RTN4: variants seen among roughly 807,000 people sequenced by gnomAD.
RTN4 encodes reticulon 4.
A neutral mutation model predicts 90.4 loss-of-function variants in RTN4; 32 were observed. The ratio of observed to expected loss-of-function variants is 0.35; its 90% CI spans 0.27 to 0.48. The LOEUF is 0.48. Ranked by LOEUF, RTN4 falls within the 20% of genes least tolerant of loss-of-function variation. The pLI, the probability that RTN4 is intolerant of heterozygous loss-of-function variation, is 0.99. For synonymous variants in RTN4, 629 were observed against 552.5 expected (o/e 1.14, Z -1.94); for missense variants, 1,706 against 1,430.2 (o/e 1.19, Z -3.11).
At chr2:55,010,020 C>G (rs1160558306) in intron 3 of RTN4, 6 of 1,546,806 alleles carry the variant, frequency 3.9e-6, no homozygotes, top group Middle Eastern at 1.7e-4. Context: ...AATTCCAAAG[C>G]TTATTCATAG....
intron 5 of RTN4, among the ~76,000 whole-genome samples, chr2:54,980,846 CAT>C (rs897326972): frequency 5.3e-5 from 8 of 152,184 alleles, no homozygotes; most frequent in African/African-American, 1.7e-4. Context: ...ACTTTTCACA[CAT>C]GTTCTACCCT....
Position 55,050,237 on chromosome 2 carries a change from C to T in RTN4, c.64G>A (p.Ala22Thr), listed in dbSNP as rs1359375017. The T allele has an allele frequency of 2.6e-6, 4 of 1,547,082 alleles. No homozygotes were observed. The highest frequency in any genetic ancestry group is 1.7e-6 in the Non-Finnish European group (2 of 1,148,184). The change falls in exon 1 of 9, where the codon GCG becomes ACG. Residue 22 changes from alanine (A) to threonine (T), a missense_variant. Ala to Thr is a moderately conservative substitution (Grantham distance 58). Coordinates refer to ENST00000337526, the MANE Select transcript of RTN4 (RefSeq NM_020532.5). This position sits in a 1 kb window ranked among gnomAD's most constrained non-coding sequence, Gnocchi z 4.6. ...SSDSPPRPQP[A>T]FKYQFVREPE... Reference sequence around the variant, plus strand: ...TCCCTCACGAACTGGTACTTGAACGCGGGCTGCGGCCGGGGTGGGCTGTCC... The same window carrying T: ...TCCCTCACGAACTGGTACTTGAACGTGGGCTGCGGCCGGGGTGGGCTGTCC...
At position 55,026,730 on chromosome 2, in the gene RTN4, G is replaced by T. The variant is rs569037947; in HGVS notation, c.1369C>A (p.Arg457Ser). Reference sequence around the variant, plus strand: ...GCACATGTGATATATGCTCCTGAACGATCCTTTATACCTTCTGGCGTACTG... The same window carrying T: ...GCACATGTGATATATGCTCCTGAACTATCCTTTATACCTTCTGGCGTACTG... ...FPSTPEGIKD[R>S]SGAYITCAPF... The change falls in exon 3 of 9, where the codon CGT becomes AGT. Residue 457 changes from arginine to serine, a missense_variant. Physicochemically the swap from Arg to Ser is moderately radical, Grantham distance 110. Transcript: ENST00000337526. 1.9e-6 allele frequency: 3 copies of T among 1,613,654 alleles called. No individual in the cohort carries two copies. The highest frequency in any genetic ancestry group is 2.5e-6 in the Non-Finnish European group (3 of 1,179,844).
chr2:55,085,003 C>T (rs1173760742), intron 1 of RTN4, among the ~76,000 whole-genome samples: 1 of 152,186 alleles, frequency 6.6e-6, no homozygotes, highest in Admixed American at 6.5e-5. Context: ...GTTGCCCAGG[C>T]TGGTCTTTTA....
chr2:55,089,698 C>T (rs1206009614), intron 1 of RTN4, among the ~76,000 whole-genome samples: 1 of 152,240 alleles, frequency 6.6e-6, no homozygotes, highest in Non-Finnish European at 1.5e-5. Flanking sequence ...GAAATGCAAA[C>T]ACTTGAGATA....
chr2:55,018,075 G>C (rs1009492930), intron 3 of RTN4, among the ~76,000 whole-genome samples: 4 of 152,114 alleles, frequency 2.6e-5, no homozygotes, highest in African/African-American at 7.2e-5. Flanking sequence ...AAAACATTGT[G>C]CTTATTACAT....
intron 1 of RTN4, among the ~76,000 whole-genome samples, chr2:55,043,541 C>T (rs373241835): frequency 4.9e-4 from 74 of 151,970 alleles, no homozygotes; most frequent in South Asian, 1.7e-3. Flanking sequence ...CTGCTTGAGC[C>T]CAGGAGTTCA....
At chr2:55,061,854 C>G (rs762916674) in intron 2 of RTN4, among the ~76,000 whole-genome samples, 2 of 152,176 alleles carry the variant, frequency 1.3e-5, no homozygotes, top group African/African-American at 4.8e-5. Context: ...CCTTGGCGCC[C>G]AAATGTTGCA....
chr2:55,131,175 TCAAG>T, the RTN4 span, among the ~76,000 whole-genome samples: 1 of 152,014 alleles, frequency 6.6e-6, no homozygotes, highest in Non-Finnish European at 1.5e-5. Flanking sequence ...CCTCTTGGGC[TCAAG>T]TGATCCTCCT....
chr2:55,090,217 A>C (rs1668912329), intron 1 of RTN4, among the ~76,000 whole-genome samples: 2 of 152,132 alleles, frequency 1.3e-5, no homozygotes, highest in African/African-American at 4.8e-5. Flanking sequence ...TGCGAATAGG[A>C]GGTATGATAA....
intron 1 of RTN4, among the ~76,000 whole-genome samples, chr2:55,031,027 G>A (rs1177313237): frequency 6.6e-6 from 1 of 152,096 alleles, no homozygotes; most frequent in Non-Finnish European, 1.5e-5. Flanking sequence ...TACCCTGTAA[G>A]GTAGGTACTA....
chr2:55,088,767 G>A (rs1479153929), intron 1 of RTN4, among the ~76,000 whole-genome samples: 1 of 152,154 alleles, frequency 6.6e-6, no homozygotes, highest in African/African-American at 2.4e-5. Flanking sequence ...TCAAGGCAGA[G>A]GGAGGAACAC....
chr2:55,047,939 G>C (rs1373379279), intron 1 of RTN4, among the ~76,000 whole-genome samples: 3 of 151,782 alleles, frequency 2.0e-5, no homozygotes, highest in African/African-American at 7.3e-5. Flanking sequence ...CTGAACAGGG[G>C]GAACAGGATC....
intron 1 of RTN4, among the ~76,000 whole-genome samples, chr2:55,108,545 A>G (rs532667403): frequency 6.6e-6 from 1 of 152,136 alleles, no homozygotes; most frequent in East Asian, 1.9e-4. Context: ...TTCTTACAGA[A>G]TTTTGAGAAG....
At chr2:55,042,165 A>G (rs1486336512) in intron 1 of RTN4, among the ~76,000 whole-genome samples, 1 of 152,150 alleles carries the variant, frequency 6.6e-6, no homozygotes, top group African/African-American at 2.4e-5. Context: ...ATAAGGGAAA[A>G]GGTACCTTAA....
chr2:55,041,035 T>C (rs1337621855), intron 1 of RTN4, among the ~76,000 whole-genome samples: 1 of 150,580 alleles, frequency 6.6e-6, no homozygotes, highest in African/African-American at 2.4e-5. Flanking sequence ...CAGCTATAGC[T>C]CCTAATACAA....
chr2:54,973,277 T>TTAGCTGAATAACATACAA, intron 8 of RTN4, 79 bp from the exon 9 acceptor site: 1 of 1,240,326 alleles, frequency 8.1e-7, no homozygotes, highest in Non-Finnish European at 1.2e-6. Context: ...ACTACTTGTA[T>TTAGCTGAATAACATACAA]GTTATTCAGC....
intron 3 of RTN4, among the ~76,000 whole-genome samples, chr2:54,994,199 ATTAG>A: frequency 6.6e-6 from 1 of 152,340 alleles, no homozygotes; most frequent in African/African-American, 2.4e-5. Flanking sequence ...CAAGAGAATT[ATTAG>A]TTAATTTAGA....
At chr2:55,110,484 C>T (rs1668018290) in intron 1 of RTN4, among the ~76,000 whole-genome samples, 1 of 151,954 alleles carries the variant, frequency 6.6e-6, no homozygotes, top group Non-Finnish European at 1.5e-5. Context: ...ACAAACAGAA[C>T]AATCAGGAAT....
Sources: allele counts gnomAD v4.1 joint callset (sites outside exome capture counted in the v4.1 genomes callset), GRCh38; gene constraint gnomAD v4.1.1; non-coding constraint Gnocchi (gnomAD v3.1); transcripts MANE v1.5; gene names NCBI Gene and HGNC (gene_info 2026-07-23, HGNC 2026-07-21).